PPRC1: variants seen among roughly 807,000 people sequenced by gnomAD.
PPRC1 encodes PPARG related coactivator 1, also known as peroxisome proliferator-activated receptor gamma coactivator-related protein 1.
In PPRC1, 23 loss-of-function variants were observed where a neutral mutation model predicts 132.5. That is an observed-to-expected ratio of 0.17 (90% CI 0.12 to 0.25). The LOEUF is 0.25. Ranked by LOEUF, PPRC1 falls within the 10% of genes least tolerant of loss-of-function variation. The pLI, the probability that PPRC1 is intolerant of heterozygous loss-of-function variation, is 1.00. For synonymous variants in PPRC1, 872 were observed against 833.5 expected (o/e 1.05, Z -0.80); for missense variants, 2,006 against 2,089.1 (o/e 0.96, Z 0.78).
At chr10:102,132,535 A>G (rs547266803), upstream of PPRC1, among the ~76,000 whole-genome samples, 2 of 152,382 alleles carry the variant, frequency 1.3e-5, no homozygotes, top group South Asian at 4.1e-4. Flanking sequence ...GAGTAGTAGC[A>G]GAGAGGGCGG....
In PPRC1 at chr10:102,137,977, T is replaced by G. The variant is rs1181170733; in HGVS notation, c.281T>G (p.Met94Arg). 6.2e-7 allele frequency: 1 copy of G among 1,614,130 alleles called. No homozygotes were observed. The highest frequency in any genetic ancestry group is 1.1e-5 in the South Asian group (1 of 91,080). ...CAGGATGAGACACTGCTGGGGACCA[T>G]GCAGAGCTACATGGATGCCTCCCTT... Reference protein sequence around the residue: ...MLQDETLLGTMQSYMDASLIS... With the variant: ...MLQDETLLGTRQSYMDASLIS... Residue 94 changes from methionine to arginine, a missense_variant, in exon 2 of 14, where the codon ATG (methionine) becomes AGG (arginine). Transcript: ENST00000278070.
chr10:102,123,509 G>T, the PPRC1 span, among the ~76,000 whole-genome samples: 1 of 152,120 alleles, frequency 6.6e-6, no homozygotes, highest in African/African-American at 2.4e-5. Flanking sequence ...TATGTGTGTG[G>T]TAAAATTCAC....
chr10:102,136,722 C>A (rs994678122), intron 1 of PPRC1, among the ~76,000 whole-genome samples: 2 of 152,116 alleles, frequency 1.3e-5, no homozygotes, highest in African/African-American at 4.8e-5. Context: ...TTTCAGGCAT[C>A]TACTGGGGAT....
rs753811926 is a variant in PPRC1, at chr10:102,140,006, T to C, written c.1498T>C (p.Leu500=). ...AGAAGTGACCTCTCAGGTAGACAACTTGCAGAAACAGCCTCAGGAAGAACT... is the reference window on the plus strand; with the variant it reads ...AGAAGTGACCTCTCAGGTAGACAACCTGCAGAAACAGCCTCAGGAAGAACT... ...GTEVTSQVDN[L]QKQPQEELQK... The change falls in exon 5 of 14, where the codon TTG becomes CTG. Residue 500 remains leucine (L), a synonymous_variant. Transcript: ENST00000278070. 2 of 1,614,108 alleles carry C rather than the reference T, an allele frequency of 1.2e-6. No homozygotes were observed. Among genetic ancestry groups the C allele is most frequent in the Non-Finnish European group, 1.7e-6 (2 of 1,180,046 alleles).
At chr10:102,135,237 G>T (rs1400220240) in intron 1 of PPRC1, among the ~76,000 whole-genome samples, 1 of 152,192 alleles carries the variant, frequency 6.6e-6, no homozygotes, top group Non-Finnish European at 1.5e-5. Flanking sequence ...TCAGGGAAAA[G>T]TGAAGCCCTC....
the PPRC1 span, chr10:102,120,031 G>A: frequency 7.5e-7 from 1 of 1,342,140 alleles, no homozygotes; most frequent in Non-Finnish European, 1.0e-6. Context: ...CGGGGTGAGG[G>A]GTCCGCAGGG....
the PPRC1 span, among the ~76,000 whole-genome samples, chr10:102,124,105 G>A: frequency 7.3e-5 from 11 of 149,854 alleles, no homozygotes; most frequent in East Asian, 7.8e-4. Flanking sequence ...CGCTCTTGTC[G>A]CCCAGACTGG....
chr10:102,132,995 T>G (rs899724358), upstream of PPRC1: 3 of 1,233,824 alleles, frequency 2.4e-6, no homozygotes, highest in African/African-American at 3.1e-5. Flanking sequence ...TCGGGAGTTG[T>G]AGTTCCTTTC....
chr10:102,149,934 C>A lies in PPRC1; in HGVS notation c.4900C>A (p.Arg1634=). ...KRSYSDLDSN[R]EDFDPAPVKS... ...TGTCTTTACCTTTATAGACTCCAAC[C>A]GGGAAGACTTTGACCCAGCACCTGT... Residue 1634 remains arginine, a synonymous_variant, in exon 14 of 14, where the codon CGG becomes AGG. Coordinates refer to ENST00000278070, the MANE Select transcript of PPRC1 (RefSeq NM_015062.5). The A allele has an allele frequency of 6.2e-7, 1 of 1,610,508 alleles. No homozygotes were observed. The highest frequency in any genetic ancestry group is 8.5e-7 in the Non-Finnish European group (1 of 1,176,832).
chr10:102,142,885 G>A, intron 5 of PPRC1, 160 bp from the exon 6 acceptor site: 3 of 557,996 alleles, frequency 5.4e-6, no homozygotes, highest in Non-Finnish European at 9.5e-6. Flanking sequence ...GCCCTGGGTT[G>A]GTTTGAATCC....
chr10:102,139,294 G>A lies in PPRC1; in HGVS notation c.786G>A (p.Gly262=), dbSNP rs1394721144. The A allele has an allele frequency of 6.2e-6, 10 of 1,614,188 alleles. No homozygotes were observed. The highest frequency in any genetic ancestry group is 3.3e-5 in the South Asian group (3 of 91,086). ...GCTTCAGTGGCCAGATTCTTGCCGG[G>A]GAGCTTGACAACTGTGTGAGCAGTA... is the stretch of plus-strand genomic sequence containing the variant. ...VASFSGQILA[G]ELDNCVSSIP... The change falls in exon 5 of 14, where the codon GGG becomes GGA. Residue 262 remains glycine, a synonymous_variant. Coordinates refer to ENST00000278070, the MANE Select transcript of PPRC1 (RefSeq NM_015062.5).
At chr10:102,143,703 A>G (rs2069098762) in intron 6 of PPRC1, among the ~76,000 whole-genome samples, 1 of 152,068 alleles carries the variant, frequency 6.6e-6, no homozygotes, top group Non-Finnish European at 1.5e-5. Flanking sequence ...GACAGGTAGG[A>G]ATTCACAGAG....
chr10:102,122,337 C>A, the PPRC1 span, among the ~76,000 whole-genome samples: 1 of 152,188 alleles, frequency 6.6e-6, no homozygotes, highest in Non-Finnish European at 1.5e-5. Flanking sequence ...CTGACCACCC[C>A]ACCTGGGACA....
In PPRC1 at chr10:102,141,877, A is replaced by G. The variant is rs151256814; in HGVS notation, c.3369A>G (p.Thr1123=). 4.5e-5 allele frequency: 72 copies of G among 1,614,006 alleles called. No individual in the cohort carries two copies. The African/African-American group carries it at 8.0e-4, about 18-fold the overall frequency. ...TGCCTGCTACCAAGGCTGTTCCCAC[A>G]CCAAGGCAGAGCACTGTCCCCAAGC... ...PPLPATKAVP[T]PRQSTVPKLP... Residue 1123 remains threonine, a synonymous_variant, in exon 5 of 14, where the codon ACA becomes ACG. Coordinates refer to ENST00000278070, the MANE Select transcript of PPRC1 (RefSeq NM_015062.5).
chr10:102,131,232 TGTACCTGTA>T (rs1181223632), upstream of PPRC1, among the ~76,000 whole-genome samples: 1 of 151,436 alleles, frequency 6.6e-6, no homozygotes, highest in Non-Finnish European at 1.5e-5. Context: ...CATGGCAGTG[TGTACCTGTA>T]GTACCCAGCT....
chr10:102,120,183 AGCCGCCGCC>A, the PPRC1 span: 1 of 1,142,246 alleles, frequency 8.8e-7, no homozygotes, highest in Non-Finnish European at 1.1e-6. Flanking sequence ...GCCGGGCATG[AGCCGCCGCC>A]GCCGCCCGCG....
intron 8 of PPRC1, among the ~76,000 whole-genome samples, 186 bp downstream of exon 8, chr10:102,145,276 C>T (rs1414155884): frequency 1.6e-4 from 25 of 152,242 alleles, no homozygotes. Flanking sequence ...TGCTATGTTA[C>T]AGCCTATGGG....
At chr10:102,121,606 G>C in the PPRC1 span, among the ~76,000 whole-genome samples, 1 of 152,136 alleles carries the variant, frequency 6.6e-6, no homozygotes, top group African/African-American at 2.4e-5. Flanking sequence ...ATACCTATTA[G>C]CCAGGAGGAG....
chr10:102,135,908 C>G (rs2068705196), intron 1 of PPRC1, among the ~76,000 whole-genome samples: 1 of 152,116 alleles, frequency 6.6e-6, no homozygotes, highest in African/African-American at 2.4e-5. Context: ...CTCGGATGAT[C>G]TTGGTACTCT....
Sources: allele counts gnomAD v4.1 joint callset (sites outside exome capture counted in the v4.1 genomes callset), GRCh38; gene constraint gnomAD v4.1.1; transcripts MANE v1.5; gene names NCBI Gene and HGNC (gene_info 2026-07-23, HGNC 2026-07-21).